The following MEIS2 variants were observed in gnomAD, a reference collection of about 807,000 sequenced individuals.
MEIS2 encodes the protein homeobox protein Meis2.
MEIS2 carries 9 observed loss-of-function variants against 58.6 expected under a neutral mutation model. The ratio of observed to expected loss-of-function variants is 0.15; its 90% CI spans 0.09 to 0.27. MEIS2 has a LOEUF of 0.27. Ranked by LOEUF, MEIS2 falls within the 10% of genes least tolerant of loss-of-function variation. The pLI, the probability that MEIS2 is intolerant of heterozygous loss-of-function variation, is 1.00. For synonymous variants in MEIS2, 221 were observed against 228.4 expected (o/e 0.97, Z 0.29); for missense variants, 427 against 635.0 (o/e 0.67, Z 3.52).
chr15:37,070,152 T>A (rs925845549), intron 7 of MEIS2, among the ~76,000 whole-genome samples: 3 of 151,648 alleles, frequency 2.0e-5, no homozygotes, highest in Non-Finnish European at 2.9e-5. Context: ...AGGCACATTG[T>A]TTGATTAATA....
intron 8 of MEIS2, among the ~76,000 whole-genome samples, chr15:37,034,363 C>T (rs1272772494): frequency 6.6e-6 from 1 of 152,202 alleles, no homozygotes; most frequent in East Asian, 1.9e-4. Flanking sequence ...ACTCCCCCAG[C>T]TTAGGCTATT....
intron 8 of MEIS2, among the ~76,000 whole-genome samples, chr15:36,953,820 C>T (rs1056001485): frequency 5.9e-5 from 9 of 152,172 alleles, no homozygotes; most frequent in Admixed American, 5.9e-4. Context: ...AAGATAGTGA[C>T]CTTAGGCCTT....
intron 7 of MEIS2, among the ~76,000 whole-genome samples, chr15:37,072,080 G>A (rs1258351086): frequency 6.6e-6 from 1 of 151,930 alleles, no homozygotes; most frequent in Non-Finnish European, 1.5e-5. Flanking sequence ...CAACTCTACT[G>A]CCAATACTTT....
At chr15:37,014,288 C>T (rs1463640981) in intron 8 of MEIS2, among the ~76,000 whole-genome samples, 2 of 152,150 alleles carry the variant, frequency 1.3e-5, no homozygotes, top group Non-Finnish European at 2.9e-5. Context: ...TCCCAAATTG[C>T]CAAACTAATT....
At chr15:36,920,123 T>A (rs2057441031) in intron 9 of MEIS2, among the ~76,000 whole-genome samples, 1 of 89,134 alleles carries the variant, frequency 1.1e-5, no homozygotes, top group Non-Finnish European at 2.3e-5. Context: ...ACTGCTTTTA[T>A]TTATTTATTT....
At chr15:37,096,562 C>A (rs1340279755) in intron 2 of MEIS2, 132 bp from the exon 3 acceptor site, 7 of 1,106,410 alleles carry the variant, frequency 6.3e-6, no homozygotes, top group Non-Finnish European at 8.7e-6. Context: ...CCACACTTTA[C>A]AACCCTTCCT....
intron 8 of MEIS2, among the ~76,000 whole-genome samples, chr15:36,954,024 A>G (rs780886538): frequency 2.7e-4 from 41 of 152,230 alleles, no homozygotes; most frequent in Admixed American, 2.7e-3. Context: ...TCTGTGTTAA[A>G]AGAATTTATA....
intron 7 of MEIS2, among the ~76,000 whole-genome samples, chr15:37,041,033 G>A (rs2062400471): frequency 6.6e-6 from 1 of 152,198 alleles, no homozygotes; most frequent in South Asian, 2.1e-4. Flanking sequence ...TTACTCCCAT[G>A]AATGAGGTTA....
chr15:36,895,220 T>C lies in MEIS2; in HGVS notation c.1078A>G (p.Ser360Gly), dbSNP rs1385043709. The part of the protein sequence containing the change: ...DPSVSQGAAY[S>G]PEGQPMGSFV... The stretch of plus-strand genomic sequence containing the variant: ...CTCCCCATGGGCTGACCCTCTGGAC[T>C]ATATGCTGCTCCTTGGCTCACTGAA... The change falls in exon 11 of 12, where the codon AGT becomes GGT. Residue 360 changes from serine (S) to glycine (G), a missense_variant. Coordinates refer to ENST00000561208, the MANE Select transcript of MEIS2 (RefSeq NM_170675.5). 1.2e-6 allele frequency: 2 copies of C among 1,614,166 alleles called. No homozygotes were observed. Among genetic ancestry groups the C allele is most frequent in the Non-Finnish European group, 1.7e-6 (2 of 1,180,028 alleles).
At chr15:37,042,523 A>G (rs2062472461) in intron 7 of MEIS2, among the ~76,000 whole-genome samples, 1 of 152,366 alleles carries the variant, frequency 6.6e-6, no homozygotes, top group Admixed American at 6.5e-5. Context: ...GGCAACTTCA[A>G]GTCAGTGCTA....
At chr15:37,085,547 A>T (rs1266444066) in intron 6 of MEIS2, among the ~76,000 whole-genome samples, 1 of 152,222 alleles carries the variant, frequency 6.6e-6, no homozygotes, top group Non-Finnish European at 1.5e-5. Context: ...TAGATTATGA[A>T]ATAATAATCC....
intron 7 of MEIS2, among the ~76,000 whole-genome samples, chr15:37,071,751 T>C (rs1342381475): frequency 2.0e-5 from 3 of 151,996 alleles, no homozygotes; most frequent in Non-Finnish European, 4.4e-5. Context: ...TCTGAGGATA[T>C]AAAGGCACGT....
chr15:36,980,216 T>G (rs1311211601), intron 8 of MEIS2, among the ~76,000 whole-genome samples: 1 of 152,170 alleles, frequency 6.6e-6, no homozygotes, highest in East Asian at 1.9e-4. Flanking sequence ...TAACTTTGTT[T>G]ATGATACTTC....
At chr15:36,970,453 G>A (rs927918756) in intron 8 of MEIS2, among the ~76,000 whole-genome samples, 1 of 150,572 alleles carries the variant, frequency 6.6e-6, no homozygotes, top group African/African-American at 2.4e-5. Context: ...TCATGCACAC[G>A]CACACACACT....
At chr15:36,999,177 G>A (rs1208967776) in intron 8 of MEIS2, among the ~76,000 whole-genome samples, 1 of 152,062 alleles carries the variant, frequency 6.6e-6, no homozygotes, top group African/African-American at 2.4e-5. Context: ...ACTCTCACTG[G>A]CCAGTAATTT....
chr15:36,905,220 A>G (rs2056671850), intron 9 of MEIS2, among the ~76,000 whole-genome samples: 1 of 152,020 alleles, frequency 6.6e-6, no homozygotes, highest in Non-Finnish European at 1.5e-5. Context: ...ATTCTAGGAT[A>G]TTTAGACATA....
chr15:36,926,596 A>T (rs1039858656), intron 9 of MEIS2, among the ~76,000 whole-genome samples: 1 of 152,204 alleles, frequency 6.6e-6, no homozygotes, highest in African/African-American at 2.4e-5. Context: ...CTGCTGCAAG[A>T]CAATGGGGAA....
intron 9 of MEIS2, among the ~76,000 whole-genome samples, chr15:36,932,359 C>G (rs938877688): frequency 2.6e-5 from 4 of 152,094 alleles, no homozygotes; most frequent in African/African-American, 9.7e-5. Flanking sequence ...GTGGCCCTGG[C>G]TGTACCATAC....
At chr15:37,072,538 C>A (rs1024572462) in intron 7 of MEIS2, among the ~76,000 whole-genome samples, 1 of 152,116 alleles carries the variant, frequency 6.6e-6, no homozygotes, top group Non-Finnish European at 1.5e-5. Flanking sequence ...ACAGCAATAT[C>A]AACCCAGTTG....
Sources: gnomAD v4.1 joint callset for allele counts (sites outside exome capture counted in the v4.1 genomes callset) on GRCh38, gnomAD v4.1.1 for gene constraint, MANE v1.5 for transcripts, NCBI Gene and HGNC (gene_info 2026-07-23, HGNC 2026-07-21) for gene names.